The following SEMA6D variants were observed in gnomAD, a reference collection of about 807,000 sequenced individuals.
SEMA6D encodes semaphorin-6D.
Under a neutral mutation model 106.6 loss-of-function variants are expected in SEMA6D, and 35 were observed. The observed-to-expected ratio is 0.33, with a 90% CI of 0.25 to 0.44. The LOEUF (loss-of-function observed/expected upper bound fraction) is 0.44, where lower values mean the gene tolerates loss of function less well. Ranked by LOEUF, SEMA6D falls within the 20% of genes least tolerant of loss-of-function variation. The pLI, the probability that SEMA6D is intolerant of heterozygous loss-of-function variation, is 1.00. For missense variants in SEMA6D, 1,185 were observed against 1,345.9 expected (o/e 0.88, Z 1.87); for synonymous variants, 499 against 487.7 (o/e 1.02, Z -0.31).
intron 2 of SEMA6D, among the ~76,000 whole-genome samples, chr15:47,437,908 G>A (rs2140704055): frequency 6.6e-6 from 1 of 152,136 alleles, no homozygotes; most frequent in East Asian, 1.9e-4. Flanking sequence ...TTGGTACCTT[G>A]CTGCGACTTA....
chr15:47,517,930 C>T (rs57954675), intron 3 of SEMA6D, among the ~76,000 whole-genome samples: 14,000 of 152,148 alleles, frequency 0.092, 948 homozygotes, highest in East Asian at 0.33. Context: ...TTTGGCCCAC[C>T]CTGACCCACT....
At chr15:47,451,971 C>T (rs2042207843) in intron 2 of SEMA6D, among the ~76,000 whole-genome samples, 1 of 151,960 alleles carries the variant, frequency 6.6e-6, no homozygotes, top group South Asian at 2.1e-4. Flanking sequence ...AATTGCTGTT[C>T]ACTCCAGTTC....
At chr15:47,616,184 T>C (rs962473676) in intron 4 of SEMA6D, among the ~76,000 whole-genome samples, 1 of 152,076 alleles carries the variant, frequency 6.6e-6, no homozygotes, top group Admixed American at 6.6e-5. Context: ...TTTCTTTTTT[T>C]GAGATAGAGT....
chr15:47,270,958 A>G (rs941538336), intron 1 of SEMA6D, among the ~76,000 whole-genome samples: 5 of 152,188 alleles, frequency 3.3e-5, no homozygotes, highest in Non-Finnish European at 4.4e-5. Context: ...AAAAAAATAT[A>G]GATATAACAA....
intron 1 of SEMA6D, among the ~76,000 whole-genome samples, chr15:47,210,810 T>C (rs2141217615): frequency 6.8e-6 from 1 of 148,088 alleles, no homozygotes; most frequent in African/African-American, 2.5e-5. Context: ...GCAGTGTGAA[T>C]CTGGCTGCGA....
chr15:47,391,026 C>T (rs1410086858), intron 1 of SEMA6D, among the ~76,000 whole-genome samples: 2 of 152,170 alleles, frequency 1.3e-5, no homozygotes, highest in Non-Finnish European at 2.9e-5. Flanking sequence ...ATGAGCTTTC[C>T]TTCCTGAATT....
chr15:47,768,342 A>T (rs2082454010), intron 17 of SEMA6D, among the ~76,000 whole-genome samples: 1 of 152,142 alleles, frequency 6.6e-6, no homozygotes, highest in African/African-American at 2.4e-5. Flanking sequence ...CTTTCCTAAG[A>T]GCCTTTCGAG....
At chr15:47,436,768 A>AAAAAAATATATATATAT (rs1302309417) in intron 2 of SEMA6D, among the ~76,000 whole-genome samples, 8 of 125,388 alleles carry the variant, frequency 6.4e-5, no homozygotes, top group African/African-American at 2.4e-4. Flanking sequence ...TAAAAAAAAA[A>AAAAAAATATATATATAT]ATATATATAT....
intron 11 of SEMA6D, 117 bp downstream of exon 11, chr15:47,764,422 C>T: frequency 7.5e-7 from 1 of 1,327,826 alleles, no homozygotes; most frequent in Admixed American, 2.5e-5. Flanking sequence ...GTCCCTCTCT[C>T]AGACAGAGCC....
chr15:47,330,936 A>C (rs937137166), intron 1 of SEMA6D, among the ~76,000 whole-genome samples: 3 of 152,202 alleles, frequency 2.0e-5, no homozygotes, highest in Non-Finnish European at 4.4e-5. Context: ...ATATGAAAGG[A>C]TGAGACACTA....
intron 1 of SEMA6D, among the ~76,000 whole-genome samples, chr15:47,303,163 G>T (rs895215397): frequency 6.6e-6 from 1 of 152,184 alleles, no homozygotes; most frequent in African/African-American, 2.4e-5. Flanking sequence ...GATGTCTAAA[G>T]ATACGTAGAA....
intron 1 of SEMA6D, among the ~76,000 whole-genome samples, chr15:47,377,353 C>G (rs967974183): frequency 6.6e-6 from 1 of 152,106 alleles, no homozygotes; most frequent in African/African-American, 2.4e-5. Flanking sequence ...TCAGTAATTC[C>G]TAGCAATTCA....
At chr15:47,722,019 A>G (rs927670445) in intron 1 of SEMA6D, among the ~76,000 whole-genome samples, 7 of 152,142 alleles carry the variant, frequency 4.6e-5, no homozygotes, top group African/African-American at 1.7e-4. Flanking sequence ...TGCCTGTGGT[A>G]ACTAAAGTTA....
chr15:47,422,477 G>A (rs148901848), intron 2 of SEMA6D, among the ~76,000 whole-genome samples: 3 of 152,128 alleles, frequency 2.0e-5, no homozygotes, highest in South Asian at 2.1e-4. Flanking sequence ...CTGCCTGACT[G>A]TGTCTCTTTG....
chr15:47,293,146 G>A (rs1028147304), intron 1 of SEMA6D, among the ~76,000 whole-genome samples: 3 of 152,132 alleles, frequency 2.0e-5, no homozygotes, highest in Non-Finnish European at 4.4e-5. Context: ...GCATGTTGGT[G>A]GGAGAGGCAG....
chr15:47,216,082 A>G (rs2030567200), intron 1 of SEMA6D, among the ~76,000 whole-genome samples: 1 of 152,182 alleles, frequency 6.6e-6, no homozygotes, highest in South Asian at 2.1e-4. Context: ...ACAACTTTGA[A>G]GAGGCAACTG....
chr15:47,609,186 G>T (rs1206648467), intron 4 of SEMA6D, among the ~76,000 whole-genome samples: 1 of 152,120 alleles, frequency 6.6e-6, no homozygotes, highest in Non-Finnish European at 1.5e-5. Context: ...TAACCATAGG[G>T]TTTCTGTCTG....
At chr15:47,509,539 G>C (rs752426405) in intron 3 of SEMA6D, among the ~76,000 whole-genome samples, 3 of 152,054 alleles carry the variant, frequency 2.0e-5, no homozygotes, top group Non-Finnish European at 4.4e-5. Flanking sequence ...GACATTGAAG[G>C]CTTCCAAAAT....
At chr15:47,507,498 C>T (rs983146516) in intron 3 of SEMA6D, among the ~76,000 whole-genome samples, 16 of 152,300 alleles carry the variant, frequency 1.1e-4, no homozygotes, top group African/African-American at 3.6e-4. Flanking sequence ...GAAACCAGGC[C>T]TGCCACTCCA....
Sources: allele counts gnomAD v4.1 joint callset (sites outside exome capture counted in the v4.1 genomes callset), GRCh38; gene constraint gnomAD v4.1.1; transcripts MANE v1.5; gene names NCBI Gene and HGNC (gene_info 2026-07-23, HGNC 2026-07-21).